The following FRY variants were observed in gnomAD, a reference collection of about 807,000 sequenced individuals.
FRY encodes FRY microtubule binding protein.
In FRY, 128 loss-of-function variants were observed where a neutral mutation model predicts 348.4. The ratio of observed to expected loss-of-function variants is 0.37; its 90% CI spans 0.32 to 0.43. FRY has a LOEUF of 0.43. FRY is among the 20% of genes least tolerant of loss of function. The probability of loss-of-function intolerance (pLI) is 1.00; values close to 1 mark genes in which losing one functional copy is unlikely to be tolerated. For synonymous variants in FRY, 1,370 were observed against 1,374.7 expected (o/e 1.00, Z 0.08); for missense variants, 2,736 against 3,695.2 (o/e 0.74, Z 6.73).
chr13:32,117,553 G>A (rs1878378496), intron 4 of FRY, 80 bp downstream of exon 4: 2 of 1,443,026 alleles, frequency 1.4e-6, no homozygotes, highest in Admixed American at 1.7e-5. Flanking sequence ...GAGTTACAAG[G>A]CAATTGGGTC....
rs554507362 is a variant in FRY at position 32,095,882 on chromosome 13, G to C, written c.271-6081G>C. ...ATTCAGATGGCTCTCTTCTGAGCTG[G>C]AGCAAGTTTGCCTCTAACCTTTCCT... On this transcript the variant is annotated intron_variant, in intron 2 of 60. Transcript: ENST00000542859. 3.4e-4 allele frequency among the ~76,000 whole-genome samples: 51 copies of C among 152,176 alleles called. 1 individual carries two copies. The South Asian group carries it at 0.01, about 31-fold the overall frequency.
chr13:32,189,828 G>T (rs1301873946), intron 28 of FRY, among the ~76,000 whole-genome samples: 1 of 151,898 alleles, frequency 6.6e-6, no homozygotes, highest in Non-Finnish European at 1.5e-5. Context: ...AACAAGAAAA[G>T]GTTGTAGCAA....
intron 31 of FRY, among the ~76,000 whole-genome samples, chr13:32,207,768 G>A (rs559066175): frequency 6.6e-6 from 1 of 152,298 alleles, no homozygotes; most frequent in Admixed American, 6.5e-5. Flanking sequence ...GATTAAAGCT[G>A]CTGTTTCAGA....
rs1310479912 is a variant in FRY, at chr13:32,275,336, C to T, written c.8286+345C>T. On this transcript the variant is annotated intron_variant, in intron 56 of 60. Transcript: ENST00000542859. ...CCGGGGGGCAGAGCTTGCAGTGAGCCGAGATCACACCACTGCACTCCAGCC... is the reference window on the plus strand; with the variant it reads ...CCGGGGGGCAGAGCTTGCAGTGAGCTGAGATCACACCACTGCACTCCAGCC... Among the ~76,000 whole-genome samples, 3 of 151,364 alleles carry T rather than the reference C, an allele frequency of 2.0e-5. No homozygotes were observed. The East Asian group carries it at 5.8e-4, about 29-fold the overall frequency.
At chr13:32,111,353 G>T (rs1476811274) in intron 3 of FRY, among the ~76,000 whole-genome samples, 1 of 151,986 alleles carries the variant, frequency 6.6e-6, no homozygotes, top group Non-Finnish European at 1.5e-5. Flanking sequence ...AAAATTAGCT[G>T]GGCGTGGTGG....
intron 2 of FRY, among the ~76,000 whole-genome samples, chr13:32,091,202 C>T (rs570742990): frequency 3.3e-5 from 5 of 152,304 alleles, no homozygotes; most frequent in Admixed American, 3.3e-4. Flanking sequence ...TAGAAACCTA[C>T]TCAGGATGTC....
rs1479210593 is a variant in FRY at position 32,295,538 on chromosome 13, G to A, written c.*78G>A. ...GGCAACGTCATTCAGTGTCTTCTCG[G>A]CCTTCAAAAGGCTTGGACAGACTGT... On this transcript the variant is annotated 3_prime_UTR_variant, in exon 61 of 61. Coordinates refer to ENST00000542859, the MANE Select transcript of FRY (RefSeq NM_023037.3). 5.8e-6 allele frequency: 8 copies of A among 1,374,750 alleles called. No individual in the cohort carries two copies. The highest frequency in any genetic ancestry group is 6.2e-6 in the Non-Finnish European group (6 of 974,044). The allele number at this position is 1,374,750 out of a possible 1,614,324, so 85.2% of individuals were successfully genotyped here. A position where few individuals can be genotyped will look rare whatever the true frequency, so the allele number is the denominator to read the frequency against.
chr13:32,170,864 TG>T (rs1882017721), intron 17 of FRY, 147 bp from the exon 18 acceptor site: 2 of 665,708 alleles, frequency 3.0e-6, no homozygotes, highest in African/African-American at 1.9e-5. Context: ...AAGGTATTTA[TG>T]TAAGTCATTT....
intron 56 of FRY, chr13:32,275,203 C>G (rs141094013): frequency 0.01 from 3,997 of 393,794 alleles, 34 homozygotes; most frequent in Non-Finnish European, 0.013. Context: ...ACGGTGAAAC[C>G]CCGTATCTAT....
chr13:32,205,965 T>G (rs1884330497), intron 31 of FRY, among the ~76,000 whole-genome samples: 1 of 151,852 alleles, frequency 6.6e-6, no homozygotes, highest in African/African-American at 2.4e-5. Context: ...GAATGCCTAC[T>G]GTGATATCAG....
intron 29 of FRY, among the ~76,000 whole-genome samples, chr13:32,197,106 C>T (rs1342871875): frequency 6.6e-6 from 1 of 152,136 alleles, no homozygotes; most frequent in East Asian, 1.9e-4. Context: ...CTTTTACCTT[C>T]CAACACACTT....
intron 59 of FRY, among the ~76,000 whole-genome samples, chr13:32,290,937 G>A (rs777186870): frequency 1.1e-4 from 17 of 152,124 alleles, no homozygotes; most frequent in South Asian, 4.1e-4. Context: ...GGACTGAGGC[G>A]ATGCTGTGTC....
At chr13:32,165,599 C>G (rs1357359232) in intron 17 of FRY, among the ~76,000 whole-genome samples, 2 of 152,164 alleles carry the variant, frequency 1.3e-5, no homozygotes, top group African/African-American at 4.8e-5. Context: ...CCTCCACGGC[C>G]CTTGTTGACA....
intron 3 of FRY, among the ~76,000 whole-genome samples, chr13:32,111,729 C>T (rs1279688648): frequency 6.6e-6 from 1 of 152,132 alleles, no homozygotes; most frequent in Non-Finnish European, 1.5e-5. Context: ...GGGTTGTGTC[C>T]ATTTGTCACA....
intron 39 of FRY, 34 bp from the exon 40 acceptor site, chr13:32,228,422 A>G (rs767075685): frequency 2.0e-6 from 3 of 1,490,252 alleles, no homozygotes; most frequent in South Asian, 2.3e-5. Flanking sequence ...CACACTGCCT[A>G]GTACATCCCT....
intron 17 of FRY, among the ~76,000 whole-genome samples, chr13:32,170,576 G>A (rs1285237960): frequency 1.3e-5 from 2 of 152,148 alleles, no homozygotes; most frequent in African/African-American, 4.8e-5. Context: ...TAACTCTGTT[G>A]CCCAGGCTAG....
chr13:32,061,868 A>G (rs977403000), intron 1 of FRY, among the ~76,000 whole-genome samples: 1 of 152,204 alleles, frequency 6.6e-6, no homozygotes, highest in African/African-American at 2.4e-5. Flanking sequence ...GAGAGGAAAC[A>G]TCCATGACAC....
intron 20 of FRY, among the ~76,000 whole-genome samples, chr13:32,177,183 C>G (rs1317360475): frequency 1.3e-5 from 2 of 152,174 alleles, no homozygotes; most frequent in African/African-American, 4.8e-5. Context: ...ACTTTGGTAT[C>G]TAGACTTAAA....
chr13:32,098,299 A>G lies in FRY; in HGVS notation c.271-3664A>G, dbSNP rs1249932837. 2.6e-5 allele frequency among the ~76,000 whole-genome samples: 4 copies of G among 152,094 alleles called. 1 individual carries two copies. The highest frequency in any genetic ancestry group is 7.3e-5 in the African/African-American group (3 of 41,332). On this transcript the variant is annotated intron_variant, in intron 2 of 60. Coordinates refer to ENST00000542859, the MANE Select transcript of FRY (RefSeq NM_023037.3). Reference sequence around the variant, plus strand: ...GTATTCATCAATCAACAGTGTCTGAAGGTTCACAGCATGTCACATGCTACA... The same window carrying G: ...GTATTCATCAATCAACAGTGTCTGAGGGTTCACAGCATGTCACATGCTACA...
Sources: gnomAD v4.1 joint callset for allele counts (sites outside exome capture counted in the v4.1 genomes callset) on GRCh38, gnomAD v4.1.1 for gene constraint, MANE v1.5 for transcripts, NCBI Gene and HGNC (gene_info 2026-07-23, HGNC 2026-07-21) for gene names.